MAP3K4: variants seen among roughly 807,000 people sequenced by gnomAD.
The protein encoded by MAP3K4 is MAP three kinase 1.
In MAP3K4, 67 loss-of-function variants were observed where a neutral mutation model predicts 185.6. The ratio of observed to expected loss-of-function variants is 0.36; its 90% CI spans 0.30 to 0.44. The LOEUF is 0.44. MAP3K4 is among the 20% of genes least tolerant of loss of function. The pLI, the probability that MAP3K4 is intolerant of heterozygous loss-of-function variation, is 1.00. For missense variants in MAP3K4, 1,551 were observed against 1,995.1 expected (o/e 0.78, Z 4.24); for synonymous variants, 702 against 710.4 (o/e 0.99, Z 0.19).
chr6:161,107,040 ACACG>A lies in MAP3K4; in HGVS notation c.4048+337_4048+340del, dbSNP rs1778106190. On this transcript the variant is annotated intron_variant, in intron 20 of 26. Transcript: ENST00000392142. This position sits in a 1 kb window ranked among gnomAD's most constrained non-coding sequence, Gnocchi z 6.2. Reference sequence around the variant, plus strand: ...TTCTAGTTTCTCTCTCTCTCTCTACACACGCGCGCGCACACACACACACACACAC... The same window carrying A: ...TTCTAGTTTCTCTCTCTCTCTCTACACGCGCGCACACACACACACACACAC... Among the ~76,000 whole-genome samples the A allele has an allele frequency of 2.0e-5, 1 of 50,722 alleles. No homozygotes were observed. The highest frequency in any genetic ancestry group is 7.0e-4 in the South Asian group (1 of 1,424). The allele number at this position is 50,722 out of a possible 152,430, so 33.3% of individuals were successfully genotyped here. A position where few individuals can be genotyped will look rare whatever the true frequency, so the allele number is the denominator to read the frequency against.
intron 3 of MAP3K4, among the ~76,000 whole-genome samples, chr6:161,065,921 G>C (rs34235338): frequency 0.66 from 81,858 of 123,236 alleles, 27,555 homozygotes; most frequent in Admixed American, 0.75. Flanking sequence ...CTGGGCAAAA[G>C]AGCAAGACTC....
rs571715622 is a variant in MAP3K4, at chr6:161,107,043, C to T, written c.4048+338C>T. ...TAGTTTCTCTCTCTCTCTCTACACACGCGCGCGCACACACACACACACACA... is the reference window on the plus strand; with the variant it reads ...TAGTTTCTCTCTCTCTCTCTACACATGCGCGCGCACACACACACACACACA... On this transcript the variant is annotated intron_variant, in intron 20 of 26. Coordinates refer to ENST00000392142, the MANE Select transcript of MAP3K4 (RefSeq NM_005922.4). The surrounding 1 kb of genome is among the most constrained non-coding windows in gnomAD (Gnocchi z 6.2). Among the ~76,000 whole-genome samples the T allele has an allele frequency of 0.032, 1,001 of 31,734 alleles. 9 individuals are homozygous for T. The highest frequency in any genetic ancestry group is 0.066 in the African/African-American group (950 of 14,410). The allele number at this position is 31,734 out of a possible 152,430, so 20.8% of individuals were successfully genotyped here. A position where few individuals can be genotyped will look rare whatever the true frequency, so the allele number is the denominator to read the frequency against.
At position 160,992,079 on chromosome 6, in the gene MAP3K4, G is replaced by A; in HGVS notation, c.148G>A (p.Ala50Thr). 1 of 1,569,882 alleles carries A rather than the reference G, an allele frequency of 6.4e-7. No homozygotes were observed. Among genetic ancestry groups the A allele is most frequent in the Non-Finnish European group, 8.6e-7 (1 of 1,164,178 alleles). ...TESEPECCLA[A>T]RQEGTLGDSA... is the part of the protein sequence containing the mutation. Reference sequence around the variant, plus strand: ...GTCAGAACCCGAGTGCTGCTTGGCGGCGAGGTGAGTGTGGCGGCCGCAGTC... The same window carrying A: ...GTCAGAACCCGAGTGCTGCTTGGCGACGAGGTGAGTGTGGCGGCCGCAGTC... Residue 50 changes from alanine (A) to threonine (T), a missense_variant, in exon 1 of 27, where the codon GCG becomes ACG. This residue lies in a region of MAP3K4 where 287 missense variants were observed against 268.8 expected (regional missense o/e 1.07). Coordinates refer to ENST00000392142, the MANE Select transcript of MAP3K4 (RefSeq NM_005922.4).
At chr6:161,089,286 T>A (rs1785903495) in intron 10 of MAP3K4, 36 bp from the exon 11 acceptor site, 2 of 1,600,264 alleles carry the variant, frequency 1.2e-6, no homozygotes, top group African/African-American at 1.3e-5. Flanking sequence ...AGTAACTGGG[T>A]TGGTTTTTAT....
In MAP3K4 at chr6:161,086,345, A is replaced by T. The variant is rs1429534296; in HGVS notation, c.2373-34A>T. On this transcript the variant is annotated intron_variant, in intron 7 of 26. Coordinates refer to ENST00000392142, the MANE Select transcript of MAP3K4 (RefSeq NM_005922.4). The surrounding 1 kb of genome is among the most constrained non-coding windows in gnomAD (Gnocchi z 4.8). ...TCTTGCACCTCTGGAATATTCCCTA[A>T]TGTGTTCTAACTGGACTTGAATCCA... 2.4e-6 allele frequency: 3 copies of T among 1,268,440 alleles called. No homozygotes were observed. The African/African-American group carries it at 4.5e-5, about 19-fold the overall frequency. 78.6% of individuals were successfully genotyped at this position (1,268,440 alleles called of 1,614,324 possible).
intron 2 of MAP3K4, among the ~76,000 whole-genome samples, chr6:161,045,968 C>T (rs183323612): frequency 1.0e-3 from 154 of 152,206 alleles, no homozygotes; most frequent in Non-Finnish European, 1.9e-3. Flanking sequence ...TCTACTATCA[C>T]GATATTAAAT....
Position 161,013,975 on chromosome 6 carries a change from G to T in MAP3K4, c.153-20284G>T, listed in dbSNP as rs73591501. Among the ~76,000 whole-genome samples, 890 of 152,232 alleles carry T rather than the reference G, an allele frequency of 5.8e-3. 9 individuals carry two copies. Among genetic ancestry groups the T allele is most frequent in the African/African-American group, 0.021 (852 of 41,528 alleles). On this transcript the variant is annotated intron_variant, in intron 1 of 26. Transcript: ENST00000392142. The stretch of plus-strand genomic sequence containing the variant: ...TTTAGCTAGTCCTCAGTTTGGTCTG[G>T]TGTCTGAACCCTGCCTCTGGAGTCC...
intron 3 of MAP3K4, among the ~76,000 whole-genome samples, chr6:161,068,391 C>A (rs1378550475): frequency 6.6e-6 from 1 of 152,096 alleles, no homozygotes; most frequent in Non-Finnish European, 1.5e-5. Context: ...ATCAGAACTT[C>A]TGATAATAAA....
At chr6:161,036,003 T>G (rs181675346) in intron 2 of MAP3K4, among the ~76,000 whole-genome samples, 8 of 152,328 alleles carry the variant, frequency 5.3e-5, no homozygotes, top group African/African-American at 1.4e-4. Flanking sequence ...CTATTTGGAC[T>G]TTTTCCTAGT....
intron 1 of MAP3K4, among the ~76,000 whole-genome samples, chr6:161,027,372 G>A (rs1054251612): frequency 1.3e-5 from 2 of 152,146 alleles, no homozygotes; most frequent in Non-Finnish European, 2.9e-5. Context: ...AAAGAGAATT[G>A]TAGCTTCTAC....
chr6:160,995,547 C>G (rs1780948658), intron 1 of MAP3K4, among the ~76,000 whole-genome samples: 1 of 152,226 alleles, frequency 6.6e-6, no homozygotes, highest in African/African-American at 2.4e-5. Flanking sequence ...CCCAGCAACA[C>G]AAAACAGGCA....
intron 1 of MAP3K4, among the ~76,000 whole-genome samples, chr6:160,999,725 A>G (rs1028359191): frequency 3.9e-5 from 6 of 152,192 alleles, no homozygotes; most frequent in African/African-American, 1.4e-4. Flanking sequence ...TCCAAAGCCA[A>G]GGTGTTCTCC....
Position 161,117,015 on chromosome 6 carries a change from C to CGA in MAP3K4, c.*145_*146insGA. On this transcript the variant is annotated 3_prime_UTR_variant, in exon 27 of 27. Coordinates refer to ENST00000392142, the MANE Select transcript of MAP3K4 (RefSeq NM_005922.4). ...CAGGTGACAAGCGTCACTTCTCCTG[C>CGA]TGCTCCTGTTTGTCTGATGTGGCAA... is the stretch of plus-strand genomic sequence containing the variant. The CGA allele has an allele frequency of 1.4e-6, 1 of 736,650 alleles. No homozygotes were observed. The highest frequency in any genetic ancestry group is 2.3e-6 in the Non-Finnish European group (1 of 444,122). 45.6% of individuals were successfully genotyped at this position (736,650 alleles called of 1,614,324 possible).
chr6:160,992,506 C>G (rs924505085), intron 1 of MAP3K4, among the ~76,000 whole-genome samples: 1 of 152,186 alleles, frequency 6.6e-6, no homozygotes, highest in African/African-American at 2.4e-5. Flanking sequence ...ATTCGGAAAT[C>G]GAGTGCGTAC....
rs1554287299 is a variant in MAP3K4 at position 161,107,050 on chromosome 6, G to GCGCGCACA, written c.4048+346_4048+347insGCGCACAC. Among the ~76,000 whole-genome samples, 1 of 105,188 alleles carries GCGCGCACA rather than the reference G, an allele frequency of 9.5e-6. No individual in the cohort carries two copies. Among genetic ancestry groups the GCGCGCACA allele is most frequent in the African/African-American group, 3.4e-5 (1 of 29,798 alleles). 69.0% of individuals were successfully genotyped at this position (105,188 alleles called of 152,430 possible). A position where few individuals can be genotyped will look rare whatever the true frequency, so the allele number is the denominator to read the frequency against. Reference sequence around the variant, plus strand: ...TCTCTCTCTCTCTACACACGCGCGCGCACACACACACACACACACACACAC... The same window carrying GCGCGCACA: ...TCTCTCTCTCTCTACACACGCGCGCGCGCGCACACACACACACACACACACACACACAC... On this transcript the variant is annotated intron_variant, in intron 20 of 26. Coordinates refer to ENST00000392142, the MANE Select transcript of MAP3K4 (RefSeq NM_005922.4). This position sits in a 1 kb window ranked among gnomAD's most constrained non-coding sequence, Gnocchi z 6.2.
chr6:161,033,874 T>C (rs567721647), intron 1 of MAP3K4, among the ~76,000 whole-genome samples: 4 of 152,370 alleles, frequency 2.6e-5, no homozygotes, highest in African/African-American at 9.6e-5. Context: ...TGTCAGCAGC[T>C]AGCACATAAG....
intron 2 of MAP3K4, among the ~76,000 whole-genome samples, chr6:161,045,803 G>A (rs183843233): frequency 1.4e-4 from 22 of 152,196 alleles, no homozygotes; most frequent in African/African-American, 5.1e-4. Context: ...ATTTTAAAAA[G>A]CCCAACGCCT....
intron 1 of MAP3K4, among the ~76,000 whole-genome samples, chr6:161,013,999 C>T (rs1424074925): frequency 6.6e-6 from 1 of 152,136 alleles, no homozygotes; most frequent in African/African-American, 2.4e-5. Context: ...CCTCTGGAGT[C>T]CAGTCCCGCC....
chr6:161,116,220 G>C lies in MAP3K4; in HGVS notation c.4807-630G>C, dbSNP rs1443326013. 6.6e-6 allele frequency among the ~76,000 whole-genome samples: 1 copy of C among 152,116 alleles called. No individual in the cohort carries two copies. Among genetic ancestry groups the C allele is most frequent in the Admixed American group, 6.5e-5 (1 of 15,274 alleles). ...CAGCTGGGTGAGGGGTGGGTCGGGA[G>C]GTGGTGGGTCCTCTTTGGTGGATGA... On this transcript the variant is annotated intron_variant, in intron 26 of 26. Coordinates refer to ENST00000392142, the MANE Select transcript of MAP3K4 (RefSeq NM_005922.4). This position sits in a 1 kb window ranked among gnomAD's most constrained non-coding sequence, Gnocchi z 6.2.
Sources: gnomAD v4.1 joint callset for allele counts (sites outside exome capture counted in the v4.1 genomes callset) on GRCh38, gnomAD v4.1.1 for gene constraint, gnomAD v4.1.1 regional missense constraint, Gnocchi (gnomAD v3.1) non-coding constraint, MANE v1.5 for transcripts, NCBI Gene and HGNC (gene_info 2026-07-23, HGNC 2026-07-21) for gene names.